IQGAP2: variants seen among roughly 807,000 people sequenced by gnomAD.
The protein encoded by IQGAP2 is ras GTPase-activating-like protein IQGAP2.
A neutral mutation model predicts 201.3 loss-of-function variants in IQGAP2; 173 were observed. That is an observed-to-expected ratio of 0.86 (90% CI 0.76 to 0.98). The LOEUF (loss-of-function observed/expected upper bound fraction) is 0.98. IQGAP2 is among the 50% of genes least tolerant of loss of function. IQGAP2 has a pLI of 0.00. For synonymous variants in IQGAP2, 675 were observed against 673.9 expected, an observed-to-expected ratio of 1.00 and a Z score of -0.03; for missense variants, 1,687 against 1,864.8, an observed-to-expected ratio of 0.90 and a Z score of 1.76.
chr5:76,609,262 C>T (rs747817923), intron 12 of IQGAP2: 27 of 1,533,992 alleles, frequency 1.8e-5, no homozygotes, highest in Non-Finnish European at 2.1e-5. Context: ...AGGGGGGTGA[C>T]CAGAGAATGG....
At position 76,651,920 on chromosome 5, in the gene IQGAP2, C is replaced by T. The variant is rs1752548365; in HGVS notation, c.2095-830C>T. Among the ~76,000 whole-genome samples, 2 of 151,974 alleles carry T rather than the reference C, an allele frequency of 1.3e-5. 1 individual carries two copies. The highest frequency in any genetic ancestry group is 4.2e-4 in the South Asian group (2 of 4,818). On this transcript the variant is annotated intron_variant, in intron 17 of 35. Transcript: ENST00000274364. Reference sequence around the variant, plus strand: ...TTAAAAAGAATGAGGTAAATATATACAGACATGAAAAGAAGTTTATAAAAA... The same window carrying T: ...TTAAAAAGAATGAGGTAAATATATATAGACATGAAAAGAAGTTTATAAAAA...
intron 13 of IQGAP2, among the ~76,000 whole-genome samples, chr5:76,622,967 CACTT>C (rs1311611262): frequency 2.0e-5 from 3 of 152,146 alleles, no homozygotes; most frequent in African/African-American, 7.2e-5. Context: ...CAGGAGGGAA[CACTT>C]AGTCTATGAC....
intron 2 of IQGAP2, among the ~76,000 whole-genome samples, chr5:76,530,429 T>C (rs1580390663): frequency 6.6e-6 from 1 of 152,362 alleles, no homozygotes; most frequent in East Asian, 1.9e-4. Context: ...TCTTGTACCA[T>C]TCATTTTCAA....
intron 9 of IQGAP2, chr5:76,597,197 A>T (rs1234563543): frequency 2.0e-6 from 1 of 506,878 alleles, no homozygotes; most frequent in East Asian, 3.4e-5. Flanking sequence ...GCTACTCAGG[A>T]ATGATCTCAT....
intron 13 of IQGAP2, chr5:76,623,145 A>ACCCC: frequency 1.2e-6 from 2 of 1,612,672 alleles, no homozygotes; most frequent in Non-Finnish European, 8.5e-7. Flanking sequence ...TCCCCATCCT[A>ACCCC]CCCCCTGAGA....
chr5:76,594,199 G>A (rs1320408142), intron 9 of IQGAP2, among the ~76,000 whole-genome samples: 2 of 152,190 alleles, frequency 1.3e-5, no homozygotes, highest in Non-Finnish European at 1.5e-5. Flanking sequence ...TGAGAACTTC[G>A]TGATGCTTGA....
chr5:76,512,784 C>T (rs755135165), intron 2 of IQGAP2, among the ~76,000 whole-genome samples: 7 of 152,194 alleles, frequency 4.6e-5, no homozygotes, highest in Non-Finnish European at 5.9e-5. Flanking sequence ...GGGCTGGGCG[C>T]GGTGGCTCAC....
intron 2 of IQGAP2, among the ~76,000 whole-genome samples, chr5:76,528,589 A>G (rs1724439515): frequency 6.6e-6 from 1 of 152,216 alleles, no homozygotes; most frequent in Non-Finnish European, 1.5e-5. Flanking sequence ...CATAAAAACC[A>G]AGCTCAAGGG....
intron 2 of IQGAP2, among the ~76,000 whole-genome samples, chr5:76,467,331 G>A (rs1754835469): frequency 1.3e-5 from 2 of 152,138 alleles, no homozygotes; most frequent in South Asian, 4.1e-4. Flanking sequence ...ATGGGCAAAA[G>A]TTCTGAATAG....
intron 2 of IQGAP2, among the ~76,000 whole-genome samples, chr5:76,550,680 C>G (rs1315037827): frequency 6.6e-6 from 1 of 152,130 alleles, no homozygotes; most frequent in Non-Finnish European, 1.5e-5. Context: ...GTAGGGTCAC[C>G]GATCAACAGG....
chr5:76,597,590 A>G lies in IQGAP2; in HGVS notation c.1059A>G (p.Lys353=). 1.9e-6 allele frequency: 3 copies of G among 1,613,940 alleles called. No individual in the cohort carries two copies. The highest frequency in any genetic ancestry group is 2.5e-6 in the Non-Finnish European group (3 of 1,179,950). ...MYQNELFNLQ[K]QNTMNYLAHE... The stretch of plus-strand genomic sequence containing the variant: ...AGAACGAACTTTTCAACCTCCAGAA[A>G]CAGAACACCATGGTAAGTCAGAGGA... The change falls in exon 10 of 36, where the codon AAA becomes AAG. Residue 353 remains lysine (K), a synonymous_variant. Transcript: ENST00000274364.
chr5:76,419,991 G>A (rs182685438), intron 1 of IQGAP2, among the ~76,000 whole-genome samples: 2 of 152,196 alleles, frequency 1.3e-5, no homozygotes, highest in East Asian at 1.9e-4. Context: ...TAAGTTTCTC[G>A]CATTGCCTTT....
At chr5:76,570,838 T>G (rs1371517511) in intron 4 of IQGAP2, among the ~76,000 whole-genome samples, 181 bp downstream of exon 4, 1 of 152,252 alleles carries the variant, frequency 6.6e-6, no homozygotes, top group Non-Finnish European at 1.5e-5. Context: ...GAATGAGGGA[T>G]GTGCCCAGAT....
At chr5:76,662,636 AG>A (rs1373142482) in intron 21 of IQGAP2, among the ~76,000 whole-genome samples, 1 of 152,216 alleles carries the variant, frequency 6.6e-6, no homozygotes, top group Non-Finnish European at 1.5e-5. Flanking sequence ...CTATCTGAAG[AG>A]GAAAAATGTG....
At chr5:76,618,672 T>C in intron 13 of IQGAP2, 1 of 1,514,104 alleles carries the variant, frequency 6.6e-7, no homozygotes, top group Non-Finnish European at 9.1e-7. Context: ...TTAACATAAA[T>C]GTATAGTTCA....
chr5:76,608,932 CAT>C (rs762577154), intron 12 of IQGAP2: 134 of 594,782 alleles, frequency 2.3e-4, no homozygotes, highest in Non-Finnish European at 3.6e-4. Flanking sequence ...GTTATAGTAA[CAT>C]GTGTTGATGT....
intron 17 of IQGAP2, among the ~76,000 whole-genome samples, chr5:76,649,415 A>C (rs1752336036): frequency 2.0e-5 from 3 of 152,246 alleles, no homozygotes; most frequent in Admixed American, 6.5e-5. Context: ...TCCCTCAAAG[A>C]ATGACTACAG....
rs181504257 is a variant in IQGAP2, at chr5:76,683,049, C to A, written c.3661-66C>A. 1.8e-4 allele frequency: 163 copies of A among 914,942 alleles called. No individual in the cohort carries two copies. The African/African-American group carries it at 2.6e-3, about 14-fold the overall frequency. 56.7% of individuals were successfully genotyped at this position (914,942 alleles called of 1,614,324 possible). ...ATGAGGAGGAAATTATGAAAAATTT[C>A]ATATAAATATGGTACAGTTGAGAAT... On this transcript the variant is annotated intron_variant, in intron 28 of 35. Coordinates refer to ENST00000274364, the MANE Select transcript of IQGAP2 (RefSeq NM_006633.5).
chr5:76,674,454 CA>C (rs1744628974), intron 26 of IQGAP2, 22 bp from the exon 27 acceptor site: 1 of 1,429,148 alleles, frequency 7.0e-7, no homozygotes, highest in East Asian at 2.3e-5. Flanking sequence ...TAAAAATGGT[CA>C]TGCACTTCTG....
Sources: allele counts gnomAD v4.1 joint callset (sites outside exome capture counted in the v4.1 genomes callset), GRCh38; gene constraint gnomAD v4.1.1; transcripts MANE v1.5; gene names NCBI Gene and HGNC (gene_info 2026-07-23, HGNC 2026-07-21).